Variants in HCN1 observed in about 807,000 individuals in gnomAD.
The protein encoded by HCN1 is potassium/sodium hyperpolarization-activated cyclic nucleotide-gated channel 1.
A neutral mutation model predicts 78.9 loss-of-function variants in HCN1; 13 were observed. The observed-to-expected ratio is 0.16, with a 90% CI of 0.11 to 0.26. The LOEUF (loss-of-function observed/expected upper bound fraction) is 0.26, where lower values mean the gene tolerates loss of function less well. HCN1 is among the 10% of genes least tolerant of loss of function. The probability of loss-of-function intolerance (pLI) is 1.00; values close to 1 mark genes in which losing one functional copy is unlikely to be tolerated. For missense variants in HCN1, 810 were observed against 1,154.3 expected, an observed-to-expected ratio of 0.70 and a Z score of 4.32; for synonymous variants, 552 against 455.5, an observed-to-expected ratio of 1.21 and a Z score of -2.70.
chr5:45,289,956 T>G (rs1745338514), intron 6 of HCN1, among the ~76,000 whole-genome samples: 1 of 151,960 alleles, frequency 6.6e-6, no homozygotes, highest in Non-Finnish European at 1.5e-5. Flanking sequence ...TGGGGCATGA[T>G]ATGGTTTGGC....
rs191468435 is a variant in HCN1 at position 45,316,079 on chromosome 5, T to C, written c.1378-12240A>G. ...AACTCATTTTATGAGGCCAGCATCATCCTGATACCAAAGTCTGGCAGAGAC... is the reference window on the plus strand; with the variant it reads ...AACTCATTTTATGAGGCCAGCATCACCCTGATACCAAAGTCTGGCAGAGAC... On this transcript the variant is annotated intron_variant, in intron 5 of 7. Transcript: ENST00000303230. Among the ~76,000 whole-genome samples the C allele has an allele frequency of 3.3e-3, 498 of 152,284 alleles. 6 individuals are homozygous for C. In the Middle Eastern group the frequency reaches 0.034, roughly 10 times the overall value.
chr5:45,496,365 C>A (rs1228848259), intron 2 of HCN1, among the ~76,000 whole-genome samples: 1 of 151,656 alleles, frequency 6.6e-6, no homozygotes, highest in African/African-American at 2.4e-5. Context: ...TCCATTTCTT[C>A]TAGATTTTCT....
rs112205411 is a variant in HCN1 at position 45,389,212 on chromosome 5, G to A, written c.1230+7280C>T. Reference sequence around the variant, plus strand: ...TTCTAGCTACACTTTCTATCTGTCTGTTCATGAACTGTGGTAAGCTTCTTC... The same window carrying A: ...TTCTAGCTACACTTTCTATCTGTCTATTCATGAACTGTGGTAAGCTTCTTC... On this transcript the variant is annotated intron_variant, in intron 4 of 7. Coordinates refer to ENST00000303230, the MANE Select transcript of HCN1 (RefSeq NM_021072.4). Among the ~76,000 whole-genome samples, 760 of 152,168 alleles carry A rather than the reference G, an allele frequency of 5.0e-3. 7 individuals are homozygous for A. Among genetic ancestry groups the A allele is most frequent in the Non-Finnish European group, 8.4e-3 (571 of 68,016 alleles).
intron 2 of HCN1, among the ~76,000 whole-genome samples, chr5:45,466,233 C>CT (rs1478308027): frequency 6.6e-6 from 1 of 152,080 alleles, no homozygotes; most frequent in Non-Finnish European, 1.5e-5. Context: ...ATTCATCGGT[C>CT]TTTCAATCTA....
intron 5 of HCN1, among the ~76,000 whole-genome samples, chr5:45,316,205 G>A (rs1386646214): frequency 1.3e-5 from 2 of 151,962 alleles, no homozygotes; most frequent in African/African-American, 2.4e-5. Context: ...CATCTAAAAG[G>A]TTATCCACCA....
intron 2 of HCN1, among the ~76,000 whole-genome samples, chr5:45,561,861 G>A (rs1233507088): frequency 6.6e-6 from 1 of 152,100 alleles, no homozygotes; most frequent in Non-Finnish European, 1.5e-5. Context: ...TTCCCTGGAT[G>A]GTGAACACAT....
At chr5:45,285,232 G>A (rs1745245026) in intron 6 of HCN1, among the ~76,000 whole-genome samples, 1 of 152,012 alleles carries the variant, frequency 6.6e-6, no homozygotes, top group Non-Finnish European at 1.5e-5. Flanking sequence ...CAGAAGTGAG[G>A]TGGGTACTCT....
intron 5 of HCN1, among the ~76,000 whole-genome samples, chr5:45,310,679 G>T (rs1469279162): frequency 6.6e-6 from 1 of 151,970 alleles, no homozygotes; most frequent in South Asian, 2.1e-4. Context: ...AAACCCAAAG[G>T]AATATAAATT....
intron 3 of HCN1, among the ~76,000 whole-genome samples, chr5:45,406,492 A>C (rs1158697500): frequency 1.3e-5 from 2 of 152,172 alleles, no homozygotes; most frequent in East Asian, 3.9e-4. Context: ...CGTTGGAAAA[A>C]TTAAATAACT....
In HCN1 at chr5:45,255,028, T is replaced by A. The variant is rs918089854; in HGVS notation, c.*6893A>T. 2.0e-5 allele frequency: 3 copies of A among 152,180 alleles called. No individual in the cohort carries two copies. The highest frequency in any genetic ancestry group is 7.2e-5 in the African/African-American group (3 of 41,440). 9.4% of individuals were successfully genotyped at this position (152,180 alleles called of 1,614,324 possible). ...AATGTTACAGAAGGCAATGGACACATTGTACTGATGTGATATTAAGAAACA... is the reference window on the plus strand; with the variant it reads ...AATGTTACAGAAGGCAATGGACACAATGTACTGATGTGATATTAAGAAACA... On this transcript the variant is annotated 3_prime_UTR_variant, in exon 8 of 8. Transcript: ENST00000303230.
chr5:45,445,202 G>A (rs751893216), intron 3 of HCN1, among the ~76,000 whole-genome samples: 39 of 152,324 alleles, frequency 2.6e-4, no homozygotes, highest in Non-Finnish European at 4.6e-4. Context: ...CTTTTCTGAC[G>A]GGCTTAGAAA....
chr5:45,455,164 T>C (rs1254555797), intron 3 of HCN1, among the ~76,000 whole-genome samples: 1 of 152,026 alleles, frequency 6.6e-6, no homozygotes, highest in Non-Finnish European at 1.5e-5. Flanking sequence ...GGTATCTAAA[T>C]TAAGAAGAGA....
chr5:45,685,449 C>T (rs1245394522), intron 1 of HCN1, among the ~76,000 whole-genome samples: 4 of 152,162 alleles, frequency 2.6e-5, no homozygotes, highest in Non-Finnish European at 5.9e-5. Flanking sequence ...AGCAGTGTCT[C>T]ATGCCTGTAA....
At chr5:45,674,882 C>T (rs745471540) in intron 1 of HCN1, among the ~76,000 whole-genome samples, 1 of 151,540 alleles carries the variant, frequency 6.6e-6, no homozygotes, top group Non-Finnish European at 1.5e-5. Flanking sequence ...GAGTTCTAGG[C>T]CAGCCTGGCC....
intron 1 of HCN1, among the ~76,000 whole-genome samples, chr5:45,664,429 C>A: frequency 3.0e-5 from 4 of 134,984 alleles, no homozygotes; most frequent in African/African-American, 5.5e-5. Context: ...GCACAATGTG[C>A]ACATGTACCC....
At chr5:45,280,840 C>T (rs1561086538) in intron 6 of HCN1, among the ~76,000 whole-genome samples, 1 of 152,082 alleles carries the variant, frequency 6.6e-6, no homozygotes, top group Non-Finnish European at 1.5e-5. Flanking sequence ...AAAGCAAATG[C>T]TAATCACTTT....
intron 2 of HCN1, among the ~76,000 whole-genome samples, chr5:45,636,363 C>G (rs1745356654): frequency 6.6e-6 from 1 of 152,168 alleles, no homozygotes; most frequent in African/African-American, 2.4e-5. Context: ...AACTTTCACT[C>G]TAATAGCACA....
chr5:45,543,024 T>C (rs1743136904), intron 2 of HCN1, among the ~76,000 whole-genome samples: 1 of 152,126 alleles, frequency 6.6e-6, no homozygotes, highest in Admixed American at 6.6e-5. Flanking sequence ...GATTACATTT[T>C]GAATAGAAGA....
intron 2 of HCN1, among the ~76,000 whole-genome samples, chr5:45,589,919 A>T (rs1043005687): frequency 2.6e-5 from 4 of 152,174 alleles, no homozygotes; most frequent in Admixed American, 2.6e-4. Flanking sequence ...ACATCTTTTG[A>T]TACACTGCAG....
Sources: gnomAD v4.1 joint callset for allele counts (sites outside exome capture counted in the v4.1 genomes callset) on GRCh38, gnomAD v4.1.1 for gene constraint, MANE v1.5 for transcripts, NCBI Gene and HGNC (gene_info 2026-07-23, HGNC 2026-07-21) for gene names.